Variants in SHC4 observed in about 807,000 individuals in gnomAD.
SHC4 encodes SHC-transforming protein 4.
In SHC4, 41 loss-of-function variants were observed where a neutral mutation model predicts 69.4. That is an observed-to-expected ratio of 0.59 (90% CI 0.46 to 0.77). The LOEUF is 0.77. Among genes scored for constraint, SHC4 ranks in the 30% least tolerant of loss-of-function variants. The probability of loss-of-function intolerance (pLI) is 0.00; values close to 1 mark genes in which losing one functional copy is unlikely to be tolerated. For missense variants in SHC4, 777 were observed against 783.8 expected, an observed-to-expected ratio of 0.99 and a Z score of 0.10; for synonymous variants, 318 against 299.3, an observed-to-expected ratio of 1.06 and a Z score of -0.64.
chr15:48,877,949 G>A (rs1326988024), intron 4 of SHC4: 1 of 487,402 alleles, frequency 2.1e-6, no homozygotes, highest in Non-Finnish European at 3.6e-6. Context: ...CCCTAGATAC[G>A]AAGTTCGAAT....
intron 2 of SHC4, among the ~76,000 whole-genome samples, chr15:48,899,056 A>AC (rs201969355): frequency 0.15 from 22,451 of 150,560 alleles, 1,890 homozygotes; most frequent in African/African-American, 0.21. Flanking sequence ...AAAAAAAAAA[A>AC]AAAAAACCGA....
At chr15:48,915,754 C>T (rs1900608237) in intron 2 of SHC4, among the ~76,000 whole-genome samples, 3 of 152,358 alleles carry the variant, frequency 2.0e-5, no homozygotes, top group African/African-American at 7.2e-5. Flanking sequence ...CAACCGTGGG[C>T]ATTCTGCCTT....
chr15:48,880,606 AGAGGTGGGG>A (rs1226254188), intron 4 of SHC4, among the ~76,000 whole-genome samples: 1 of 151,098 alleles, frequency 6.6e-6, no homozygotes, highest in Non-Finnish European at 1.5e-5. Flanking sequence ...AGTAGGGCAA[AGAGGTGGGG>A]GTGGGAAACA....
intron 2 of SHC4, among the ~76,000 whole-genome samples, chr15:48,893,654 A>G (rs2141007493): frequency 6.6e-6 from 1 of 152,356 alleles, no homozygotes; most frequent in East Asian, 1.9e-4. Flanking sequence ...AATTAAAACA[A>G]CAAGATACTT....
intron 7 of SHC4, among the ~76,000 whole-genome samples, chr15:48,857,015 A>G (rs1193155000): frequency 6.6e-6 from 1 of 152,050 alleles, no homozygotes; most frequent in Non-Finnish European, 1.5e-5. Flanking sequence ...ACAAAGTGAC[A>G]TACCAGAGGA....
At chr15:48,913,096 C>T (rs1203781136) in intron 2 of SHC4, among the ~76,000 whole-genome samples, 1 of 151,792 alleles carries the variant, frequency 6.6e-6, no homozygotes, top group Non-Finnish European at 1.5e-5. Flanking sequence ...TGGCACTTTC[C>T]AGAGAGCATC....
intron 1 of SHC4, chr15:48,947,315 G>A (rs1287468086): frequency 2.0e-5 from 3 of 152,156 alleles, no homozygotes; most frequent in Non-Finnish European, 4.4e-5. Context: ...TCCTGCCACT[G>A]ATGGATCAAC....
chr15:48,917,400 A>G (rs1900645479), intron 2 of SHC4, among the ~76,000 whole-genome samples: 1 of 152,108 alleles, frequency 6.6e-6, no homozygotes, highest in East Asian at 1.9e-4. Flanking sequence ...AGTTTAAGTA[A>G]CAATGTCATT....
intron 1 of SHC4, among the ~76,000 whole-genome samples, chr15:48,943,416 T>C (rs1444074452): frequency 1.3e-5 from 2 of 152,228 alleles, no homozygotes; most frequent in East Asian, 1.9e-4. Context: ...ATCCATGTTG[T>C]CACAAATGAC....
At chr15:48,879,673 C>A (rs1899901864) in intron 4 of SHC4, 1 of 167,068 alleles carries the variant, frequency 6.0e-6, no homozygotes, top group African/African-American at 2.4e-5. Context: ...GTTATTCTAT[C>A]AACTTTTAAA....
chr15:48,873,843 G>C (rs1163896906), intron 4 of SHC4, among the ~76,000 whole-genome samples: 1 of 152,082 alleles, frequency 6.6e-6, no homozygotes, highest in African/African-American at 2.4e-5. Flanking sequence ...ATCATGTAAT[G>C]CTTTTTGGAA....
chr15:48,907,814 ATGTGTGTG>A (rs60841488), intron 2 of SHC4, among the ~76,000 whole-genome samples: 1,722 of 145,078 alleles, frequency 0.012, 37 homozygotes, highest in African/African-American at 0.042. Flanking sequence ...ATGAATGAAT[ATGTGTGTG>A]TGTGTGTGTG....
At chr15:48,923,677 T>A (rs2141024036) in intron 2 of SHC4, among the ~76,000 whole-genome samples, 1 of 139,860 alleles carries the variant, frequency 7.2e-6, no homozygotes, top group African/African-American at 2.7e-5. Context: ...GGTCTTGCTG[T>A]CACCCACACA....
At chr15:48,911,280 A>G (rs931415392) in intron 2 of SHC4, among the ~76,000 whole-genome samples, 1 of 151,922 alleles carries the variant, frequency 6.6e-6, no homozygotes, top group Non-Finnish European at 1.5e-5. Flanking sequence ...GGATTGTGCT[A>G]TTTTCCTGTT....
intron 4 of SHC4, among the ~76,000 whole-genome samples, chr15:48,876,186 G>C (rs1899794998): frequency 6.6e-6 from 1 of 152,132 alleles, no homozygotes; most frequent in African/African-American, 2.4e-5. Flanking sequence ...GTCACTTCAG[G>C]GACGAACAAC....
chr15:48,949,012 C>T (rs777133075), intron 1 of SHC4, among the ~76,000 whole-genome samples: 2 of 152,140 alleles, frequency 1.3e-5, no homozygotes, highest in Non-Finnish European at 2.9e-5. Flanking sequence ...ACTGCTTGTC[C>T]TTCTGTAGTC....
intron 2 of SHC4, among the ~76,000 whole-genome samples, chr15:48,903,719 A>C (rs891544945): frequency 6.6e-6 from 1 of 152,300 alleles, no homozygotes; most frequent in African/African-American, 2.4e-5. Context: ...TTGAATCAAA[A>C]AACTCTGGGG....
At chr15:48,907,577 G>A (rs551818719) in intron 2 of SHC4, among the ~76,000 whole-genome samples, 22 of 148,204 alleles carry the variant, frequency 1.5e-4, no homozygotes, top group South Asian at 4.5e-4. Context: ...CCTTCCCCCC[G>A]ATTCCCCAAA....
intron 10 of SHC4, among the ~76,000 whole-genome samples, chr15:48,842,455 G>C (rs760656744): frequency 5.3e-5 from 8 of 152,026 alleles, no homozygotes; most frequent in Non-Finnish European, 1.0e-4. Context: ...TATTTGAAAG[G>C]ATTATTCAAA....
Sources: gnomAD v4.1 joint callset for allele counts (sites outside exome capture counted in the v4.1 genomes callset) on GRCh38, gnomAD v4.1.1 for gene constraint, MANE v1.5 for transcripts, NCBI Gene and HGNC (gene_info 2026-07-23, HGNC 2026-07-21) for gene names.